Variants in ULK4 observed in about 807,000 individuals in gnomAD.
The protein encoded by ULK4 is inactive serine/threonine-protein kinase ULK4.
ULK4 carries 133 observed loss-of-function variants against 160.6 expected under a neutral mutation model. The observed-to-expected ratio is 0.83, with a 90% CI of 0.72 to 0.96. The LOEUF is 0.96. Among genes scored for constraint, ULK4 ranks in the 40% least tolerant of loss-of-function variants. The pLI is 0.00. For synonymous variants in ULK4, 534 were observed against 539.8 expected, an observed-to-expected ratio of 0.99 and a Z score of 0.15; for missense variants, 1,580 against 1,499.5, an observed-to-expected ratio of 1.05 and a Z score of -0.89.
At chr3:41,868,415 T>C (rs1216903338) in intron 17 of ULK4, among the ~76,000 whole-genome samples, 4 of 152,216 alleles carry the variant, frequency 2.6e-5, no homozygotes, top group African/African-American at 9.6e-5. Flanking sequence ...TACTAGTGTT[T>C]CCATGGTATA....
chr3:41,285,690 AACTT>A (rs1559504724), intron 35 of ULK4, among the ~76,000 whole-genome samples: 1 of 152,210 alleles, frequency 6.6e-6, no homozygotes, highest in African/African-American at 2.4e-5. Context: ...ACCACAAAAT[AACTT>A]ACTAATGTAA....
chr3:41,525,131 C>T (rs1365891526), intron 32 of ULK4, among the ~76,000 whole-genome samples: 2 of 152,226 alleles, frequency 1.3e-5, no homozygotes, highest in African/African-American at 4.8e-5. Context: ...GTCCATACGA[C>T]TACCCAACTG....
At chr3:41,362,993 G>A (rs55713201) in intron 35 of ULK4, among the ~76,000 whole-genome samples, 5,888 of 152,302 alleles carry the variant, frequency 0.039, 301 homozygotes, top group East Asian at 0.19. Context: ...CTGAGGCCTC[G>A]CCAGCAGGCT....
At chr3:41,824,663 C>A (rs577088227) in intron 18 of ULK4, among the ~76,000 whole-genome samples, 52 of 152,250 alleles carry the variant, frequency 3.4e-4, no homozygotes, top group Non-Finnish European at 1.5e-4. Flanking sequence ...AACAAAGCAG[C>A]CAGGAAGCTC....
intron 7 of ULK4, among the ~76,000 whole-genome samples, chr3:41,918,209 A>T (rs970304940): frequency 6.6e-6 from 1 of 152,164 alleles, no homozygotes; most frequent in African/African-American, 2.4e-5. Context: ...TTTAAGCCAT[A>T]CTTTTTATGA....
intron 17 of ULK4, among the ~76,000 whole-genome samples, chr3:41,882,619 C>T (rs762705485): frequency 3.9e-5 from 6 of 152,218 alleles, no homozygotes; most frequent in Non-Finnish European, 8.8e-5. Context: ...CTACTTAATA[C>T]TTATTACTGC....
At chr3:41,465,384 A>G (rs542299092) in intron 32 of ULK4, among the ~76,000 whole-genome samples, 1 of 152,356 alleles carries the variant, frequency 6.6e-6, no homozygotes, top group East Asian at 1.9e-4. Context: ...ATACTTCTGT[A>G]TAACAGATAA....
intron 35 of ULK4, among the ~76,000 whole-genome samples, chr3:41,382,655 A>G (rs1345975098): frequency 2.0e-5 from 3 of 151,120 alleles, no homozygotes; most frequent in Admixed American, 1.3e-4. Flanking sequence ...ACTAGTTTAC[A>G]AAAAAAAACA....
At chr3:41,621,145 C>T (rs2033228647) in intron 30 of ULK4, among the ~76,000 whole-genome samples, 1 of 152,166 alleles carries the variant, frequency 6.6e-6, no homozygotes, top group Non-Finnish European at 1.5e-5. Context: ...TCATTCCATG[C>T]TCATGGATAG....
In ULK4 at chr3:41,490,693, G is replaced by A. The variant is rs1015636988; in HGVS notation, c.3227-27440C>T. 9.9e-5 allele frequency among the ~76,000 whole-genome samples: 15 copies of A among 152,150 alleles called. 1 individual carries two copies. Among genetic ancestry groups the A allele is most frequent in the East Asian group, 3.8e-4 (2 of 5,202 alleles). On this transcript the variant is annotated intron_variant, in intron 32 of 36. Transcript: ENST00000301831. Reference sequence around the variant, plus strand: ...AAAATATTGAATATATATTTGAACCGAGCAAGATGCTTCTTGAGAGTTTTC... The same window carrying A: ...AAAATATTGAATATATATTTGAACCAAGCAAGATGCTTCTTGAGAGTTTTC...
At chr3:41,262,978 G>C (rs964437394) in intron 35 of ULK4, among the ~76,000 whole-genome samples, 11 of 152,180 alleles carry the variant, frequency 7.2e-5, no homozygotes, top group African/African-American at 2.7e-4. Flanking sequence ...AAATAAATGG[G>C]AGGTTGGCCC....
At chr3:41,597,523 T>C (rs549786987) in intron 31 of ULK4, among the ~76,000 whole-genome samples, 7 of 152,302 alleles carry the variant, frequency 4.6e-5, no homozygotes, top group East Asian at 3.9e-4. Context: ...CAGGCACCTA[T>C]AGAATCAAGT....
chr3:41,823,322 T>G (rs905765733), intron 18 of ULK4, among the ~76,000 whole-genome samples: 5 of 151,606 alleles, frequency 3.3e-5, no homozygotes, highest in African/African-American at 1.2e-4. Flanking sequence ...AAGGAGTGAG[T>G]AGGAAGATAG....
chr3:41,473,737 T>A (rs2084060155), intron 32 of ULK4, among the ~76,000 whole-genome samples: 1 of 150,144 alleles, frequency 6.7e-6, no homozygotes, highest in Non-Finnish European at 1.5e-5. Context: ...AAAAAAGTCA[T>A]TTACAATAGT....
At chr3:41,562,901 T>C (rs1446416101) in intron 32 of ULK4, among the ~76,000 whole-genome samples, 2 of 152,186 alleles carry the variant, frequency 1.3e-5, no homozygotes, top group Non-Finnish European at 2.9e-5. Flanking sequence ...GATCCTGTCA[T>C]TAGGATGTTA....
intron 35 of ULK4, among the ~76,000 whole-genome samples, chr3:41,327,473 C>G (rs1260505164): frequency 5.3e-5 from 8 of 152,182 alleles, no homozygotes; most frequent in Non-Finnish European, 8.8e-5. Context: ...CCCACCTTCT[C>G]TGTAGTTTCC....
intron 32 of ULK4, among the ~76,000 whole-genome samples, chr3:41,521,678 G>T (rs2085936349): frequency 6.6e-6 from 1 of 152,162 alleles, no homozygotes; most frequent in Admixed American, 6.5e-5. Context: ...GGTCCCATGT[G>T]AAGATCACTC....
At chr3:41,555,864 T>A (rs2643983) in intron 32 of ULK4, among the ~76,000 whole-genome samples, 139,711 of 152,226 alleles carry the variant, frequency 0.92, 64,586 homozygotes, top group Middle Eastern at 0.96. Flanking sequence ...ACAAGATCAT[T>A]TCCTTTGCAG....
chr3:41,907,753 G>T (rs1698623037), intron 12 of ULK4, 92 bp downstream of exon 12: 2 of 762,520 alleles, frequency 2.6e-6, no homozygotes, highest in South Asian at 2.9e-5. Flanking sequence ...TGTAAATTTT[G>T]TAATTATTAA....
Sources: gnomAD v4.1 joint callset for allele counts (sites outside exome capture counted in the v4.1 genomes callset) on GRCh38, gnomAD v4.1.1 for gene constraint, MANE v1.5 for transcripts, NCBI Gene and HGNC (gene_info 2026-07-23, HGNC 2026-07-21) for gene names.